The following MAPT variants were observed in gnomAD, a reference collection of about 807,000 sequenced individuals.
MAPT encodes the protein microtubule associated protein tau.
A neutral mutation model predicts 67.9 loss-of-function variants in MAPT; 34 were observed. The ratio of observed to expected loss-of-function variants is 0.50; its 90% CI spans 0.38 to 0.67. The LOEUF (loss-of-function observed/expected upper bound fraction) is 0.67, where lower values mean the gene tolerates loss of function less well. MAPT is among the 30% of genes least tolerant of loss of function. The pLI is 0.00. For missense variants in MAPT, 881 were observed against 1,115.2 expected, an observed-to-expected ratio of 0.79 and a Z score of 2.99; for synonymous variants, 456 against 464.5, an observed-to-expected ratio of 0.98 and a Z score of 0.23.
At chr17:45,970,461 C>T (rs894446233) in intron 2 of MAPT, among the ~76,000 whole-genome samples, 3 of 152,238 alleles carry the variant, frequency 2.0e-5, no homozygotes, top group Non-Finnish European at 4.4e-5. Flanking sequence ...CCACGATGGT[C>T]CCCTGTGGAC....
At chr17:45,957,590 G>T (rs1032704326) in intron 1 of MAPT, among the ~76,000 whole-genome samples, 1 of 152,176 alleles carries the variant, frequency 6.6e-6, no homozygotes, top group Non-Finnish European at 1.5e-5. Flanking sequence ...GAGCCCCAGA[G>T]CCCTGGTTAA....
At chr17:45,951,235 C>T (rs1237068112) in intron 1 of MAPT, among the ~76,000 whole-genome samples, 1 of 152,184 alleles carries the variant, frequency 6.6e-6, no homozygotes, top group Non-Finnish European at 1.5e-5. Flanking sequence ...CTATGAGGTC[C>T]AGCCTTTCTT....
At chr17:46,019,568 C>G (rs1005652293) in intron 12 of MAPT, among the ~76,000 whole-genome samples, 2 of 151,936 alleles carry the variant, frequency 1.3e-5, no homozygotes, top group African/African-American at 4.8e-5. Context: ...GAGGTTTTGC[C>G]ACGTTGCCCA....
chr17:46,024,423 A>C lies in MAPT; in HGVS notation c.*252A>C. 1 of 571,764 alleles carries C rather than the reference A, an allele frequency of 1.7e-6. No homozygotes were observed. The highest frequency in any genetic ancestry group is 3.1e-6 in the Non-Finnish European group (1 of 319,788). The allele number at this position is 571,764 out of a possible 1,614,324, so 35.4% of individuals were successfully genotyped here. On this transcript the variant is annotated 3_prime_UTR_variant, in exon 13 of 13. Coordinates refer to ENST00000262410, the MANE Select transcript of MAPT (RefSeq NM_001377265.1). ...AGTAATAAAATATTTAAAAAAAAAC[A>C]TTCAAAAACATGGCCACATCCAACA...
In MAPT at chr17:45,903,758, T is replaced by A. The variant is rs560474384; in HGVS notation, c.-18+9072T>A. ...GAATCTCTTTGGTTTTATATATATTTTTTTTATATATATAATATATATTAA... is the reference window on the plus strand; with the variant it reads ...GAATCTCTTTGGTTTTATATATATTATTTTTATATATATAATATATATTAA... On this transcript the variant is annotated intron_variant, in intron 1 of 12. Transcript: ENST00000262410. Among the ~76,000 whole-genome samples, 288 of 99,734 alleles carry A rather than the reference T, an allele frequency of 2.9e-3. 4 individuals carry two copies. The highest frequency in any genetic ancestry group is 9.5e-3 in the African/African-American group (268 of 28,150). The allele number at this position is 99,734 out of a possible 152,430, so 65.4% of individuals were successfully genotyped here.
At chr17:45,947,475 C>T (rs1428879612) in intron 1 of MAPT, among the ~76,000 whole-genome samples, 1 of 151,570 alleles carries the variant, frequency 6.6e-6, no homozygotes, top group African/African-American at 2.4e-5. Context: ...GCAACCACCA[C>T]CTCCCGGGTT....
intron 2 of MAPT, among the ~76,000 whole-genome samples, chr17:45,964,758 T>TCTCCCACTTCCCCCA (rs2070860404): frequency 6.6e-6 from 1 of 151,706 alleles, no homozygotes; most frequent in African/African-American, 2.4e-5. Context: ...TTCCACCTCC[T>TCTCCCACTTCCCCCA]CTCCCACTTC....
At chr17:45,967,084 C>T (rs550773493) in intron 2 of MAPT, among the ~76,000 whole-genome samples, 2 of 152,248 alleles carry the variant, frequency 1.3e-5, no homozygotes, top group African/African-American at 2.4e-5. Flanking sequence ...AGAAACTACA[C>T]GTTAAATGCC....
rs1420020691 is a variant in MAPT at position 45,983,842 on chromosome 17, A to C, written c.1263A>C (p.Thr421=). 1 of 1,610,572 alleles carries C rather than the reference A, an allele frequency of 6.2e-7. No homozygotes were observed. The highest frequency in any genetic ancestry group is 1.7e-5 in the Admixed American group (1 of 59,084). Reference sequence around the variant, plus strand: ...GGGGCCCCTCTTTGGGAGAGGACACAAAAGAGGCTGACCTTCCAGAGCCCT... The same window carrying C: ...GGGGCCCCTCTTTGGGAGAGGACACCAAAGAGGCTGACCTTCCAGAGCCCT... ...EARGPSLGED[T]KEADLPEPSE... is the part of the protein sequence containing the mutation. Residue 421 remains threonine, a synonymous_variant, in exon 5 of 13, where the codon ACA becomes ACC. Transcript: ENST00000262410.
intron 11 of MAPT, 74 bp downstream of exon 11, chr17:46,014,398 C>T: frequency 9.9e-7 from 1 of 1,007,734 alleles, no homozygotes; most frequent in Non-Finnish European, 1.6e-6. Flanking sequence ...GCTGGAACTG[C>T]TCCAGACTTC....
chr17:45,984,984 AT>A (rs988941990), intron 5 of MAPT, among the ~76,000 whole-genome samples: 2 of 152,236 alleles, frequency 1.3e-5, no homozygotes, highest in African/African-American at 4.8e-5. Flanking sequence ...AAACTTTGAA[AT>A]GCTATAAAGA....
chr17:46,006,082 A>T (rs1410401085), intron 9 of MAPT, among the ~76,000 whole-genome samples: 3 of 152,240 alleles, frequency 2.0e-5, no homozygotes, highest in African/African-American at 7.2e-5. Context: ...TTGAAACACC[A>T]GAGAAGGAAT....
At chr17:45,969,960 T>TCCAC (rs2071480112) in intron 2 of MAPT, among the ~76,000 whole-genome samples, 1 of 151,838 alleles carries the variant, frequency 6.6e-6, no homozygotes, top group African/African-American at 2.4e-5. Flanking sequence ...CATCCATCCA[T>TCCAC]CCACCCATAT....
intron 1 of MAPT, among the ~76,000 whole-genome samples, chr17:45,936,015 C>A (rs1049739951): frequency 6.6e-6 from 1 of 152,212 alleles, no homozygotes; most frequent in African/African-American, 2.4e-5. Flanking sequence ...CCAAACCCAA[C>A]CCCCAGAGGG....
intron 5 of MAPT, among the ~76,000 whole-genome samples, 189 bp downstream of exon 5, chr17:45,984,119 G>A (rs948440798): frequency 6.6e-6 from 1 of 152,152 alleles, no homozygotes; most frequent in South Asian, 2.1e-4. Context: ...GGCTGTGGCC[G>A]CACGCGCCCC....
At chr17:45,919,624 G>A (rs1378620154) in intron 1 of MAPT, among the ~76,000 whole-genome samples, 1 of 152,234 alleles carries the variant, frequency 6.6e-6, no homozygotes, top group Non-Finnish European at 1.5e-5. Context: ...GGGCTTAAAC[G>A]GGTTGGGGCG....
intron 12 of MAPT, among the ~76,000 whole-genome samples, chr17:46,023,570 TG>T (rs1377814807): frequency 6.6e-6 from 1 of 152,234 alleles, no homozygotes; most frequent in Non-Finnish European, 1.5e-5. Context: ...CCAGGCGCAG[TG>T]GCTCACGCCT....
At chr17:45,902,951 A>G (rs1018031164) in intron 1 of MAPT, among the ~76,000 whole-genome samples, 32 of 152,218 alleles carry the variant, frequency 2.1e-4, no homozygotes, top group East Asian at 5.8e-4. Flanking sequence ...CTTCCAGCCT[A>G]TGGCCCAGTT....
intron 1 of MAPT, among the ~76,000 whole-genome samples, chr17:45,908,802 T>A (rs2064522908): frequency 6.6e-6 from 1 of 152,072 alleles, no homozygotes; most frequent in Non-Finnish European, 1.5e-5. Flanking sequence ...CACGTTCTCC[T>A]CCACATTTAA....
Sources: gnomAD v4.1 joint callset for allele counts (sites outside exome capture counted in the v4.1 genomes callset) on GRCh38, gnomAD v4.1.1 for gene constraint, MANE v1.5 for transcripts, NCBI Gene and HGNC (gene_info 2026-07-23, HGNC 2026-07-21) for gene names.